ST6GAL2: variants seen among roughly 807,000 people sequenced by gnomAD.
ST6GAL2 encodes the protein ST6 beta-galactoside alpha-2,6-sialyltransferase 2, also known as beta-galactoside alpha-2,6-sialyltransferase 2.
Under a neutral mutation model 37.5 loss-of-function variants are expected in ST6GAL2, and 24 were observed. The observed-to-expected ratio is 0.64, with a 90% CI of 0.46 to 0.90. The LOEUF (loss-of-function observed/expected upper bound fraction) is 0.90. Among genes scored for constraint, ST6GAL2 ranks in the 40% least tolerant of loss-of-function variants. The pLI is 0.00. For missense variants in ST6GAL2, 715 were observed against 712.7 expected (o/e 1.00, Z -0.04); for synonymous variants, 306 against 295.1 (o/e 1.04, Z -0.38).
chr2:106,874,121 G>A lies in ST6GAL2; in HGVS notation c.-58+11972C>T, dbSNP rs374888822. ...GATAGCTGGCACACGGAGTTCTGGA[G>A]GCTGCCTGCAAGGAACTTACAGTTT... On this transcript the variant is annotated intron_variant, in intron 1 of 5. Coordinates refer to ENST00000409382, the MANE Select transcript of ST6GAL2 (RefSeq NM_001142351.2). Among the ~76,000 whole-genome samples the A allele has an allele frequency of 3.3e-5, 5 of 152,300 alleles. No homozygotes were observed. The South Asian group carries it at 1.0e-3, about 32-fold the overall frequency.
In ST6GAL2 at chr2:106,867,568, A is replaced by C. The variant is rs547611741; in HGVS notation, c.-58+18525T>G. ...ATTTCTAAGAACCTCAGAAATCCCA[A>C]ATGACGAGGTTTATGCAACTTCAAA... On this transcript the variant is annotated intron_variant, in intron 1 of 5. Transcript: ENST00000409382. Among the ~76,000 whole-genome samples the C allele has an allele frequency of 1.5e-4, 23 of 152,202 alleles. No homozygotes were observed. The East Asian group carries it at 4.3e-3, about 28-fold the overall frequency.
chr2:106,865,588 T>A (rs1677992921), intron 1 of ST6GAL2, among the ~76,000 whole-genome samples: 1 of 152,204 alleles, frequency 6.6e-6, no homozygotes, highest in African/African-American at 2.4e-5. Flanking sequence ...CTTCTCTCCA[T>A]CTCATCCTTA....
intron 5 of ST6GAL2, chr2:106,813,324 C>A: frequency 5.6e-6 from 4 of 712,956 alleles, no homozygotes; most frequent in South Asian, 7.1e-5. Context: ...TTTTAAACAT[C>A]ATATAACGCA....
chr2:106,855,413 CT>C (rs1199919501), intron 1 of ST6GAL2, among the ~76,000 whole-genome samples: 1 of 152,200 alleles, frequency 6.6e-6, no homozygotes, highest in Non-Finnish European at 1.5e-5. Context: ...GGTAAACTTC[CT>C]GTGTAACAGT....
intron 5 of ST6GAL2, among the ~76,000 whole-genome samples, chr2:106,827,666 C>A (rs892900791): frequency 1.3e-5 from 2 of 152,278 alleles, no homozygotes; most frequent in Non-Finnish European, 2.9e-5. Flanking sequence ...CGTTCTGGGA[C>A]AATGGAATTG....
At chr2:106,810,141 T>G (rs1171393697) in intron 5 of ST6GAL2, among the ~76,000 whole-genome samples, 4 of 152,222 alleles carry the variant, frequency 2.6e-5, no homozygotes, top group Admixed American at 6.5e-5. Context: ...TGAATCTGAT[T>G]GTTTTTCCAG....
intron 1 of ST6GAL2, among the ~76,000 whole-genome samples, chr2:106,881,202 C>T (rs1678737794): frequency 6.6e-6 from 1 of 152,096 alleles, no homozygotes; most frequent in Non-Finnish European, 1.5e-5. Context: ...GTTGCCCAGG[C>T]TAGTCTTAAA....
intron 2 of ST6GAL2, among the ~76,000 whole-genome samples, chr2:106,835,389 T>C (rs573153979): frequency 6.6e-6 from 1 of 152,138 alleles, no homozygotes; most frequent in Non-Finnish European, 1.5e-5. Flanking sequence ...GCTCCCCAAA[T>C]AGCAGAAACT....
At chr2:106,808,145 A>T (rs1488707957) in intron 5 of ST6GAL2, among the ~76,000 whole-genome samples, 1 of 152,244 alleles carries the variant, frequency 6.6e-6, no homozygotes, top group Non-Finnish European at 1.5e-5. Flanking sequence ...TGTGCAACAC[A>T]AAAATCCCAT....
At chr2:106,867,697 C>T (rs982935397) in intron 1 of ST6GAL2, among the ~76,000 whole-genome samples, 4 of 152,100 alleles carry the variant, frequency 2.6e-5, no homozygotes, top group Admixed American at 2.6e-4. Context: ...GTTAGGAACC[C>T]ACCCCCAGCC....
At chr2:106,884,954 T>G (rs1231726803) in intron 1 of ST6GAL2, among the ~76,000 whole-genome samples, 1 of 117,360 alleles carries the variant, frequency 8.5e-6, no homozygotes, top group Non-Finnish European at 1.7e-5. Context: ...CACACACATA[T>G]ATACATATGT....
chr2:106,849,438 A>G (rs74850463), intron 1 of ST6GAL2, among the ~76,000 whole-genome samples: 161 of 152,256 alleles, frequency 1.1e-3, no homozygotes, highest in Middle Eastern at 3.4e-3. Flanking sequence ...CCAAATTCCA[A>G]CCTGACTCTG....
chr2:106,853,561 C>T (rs1677459094), intron 1 of ST6GAL2, among the ~76,000 whole-genome samples: 1 of 152,180 alleles, frequency 6.6e-6, no homozygotes, highest in African/African-American at 2.4e-5. Flanking sequence ...TCAGTGATTT[C>T]AAGCCAGTGG....
At chr2:106,825,633 T>C (rs575554620) in intron 5 of ST6GAL2, among the ~76,000 whole-genome samples, 1 of 152,388 alleles carries the variant, frequency 6.6e-6, no homozygotes, top group Non-Finnish European at 1.5e-5. Context: ...AATTATTATT[T>C]GTATCTGCTA....
At chr2:106,838,009 G>A (rs546652293) in intron 2 of ST6GAL2, among the ~76,000 whole-genome samples, 16 of 152,282 alleles carry the variant, frequency 1.1e-4, no homozygotes, top group African/African-American at 3.8e-4. Flanking sequence ...AGCAGCGTGG[G>A]GTTGGGATGG....
chr2:106,843,138 C>A lies in ST6GAL2; in HGVS notation c.840G>T (p.Val280=). ...GCAGCTGGCTCAGGGGCACGGCGGG[C>A]ACCAGGCGCCGCCAGCCCAGCGCAG... The part of the protein sequence containing the change: ...PFSALGWRRL[V]PAVPLSQLHP... Residue 280 remains valine (V), a synonymous_variant, in exon 2 of 6, where the codon GTG becomes GTT. Transcript: ENST00000409382. 1 of 1,562,378 alleles carries A rather than the reference C, an allele frequency of 6.4e-7. No homozygotes were observed. The highest frequency in any genetic ancestry group is 8.6e-7 in the Non-Finnish European group (1 of 1,157,040).
chr2:106,814,776 C>A (rs1675739967), intron 5 of ST6GAL2, among the ~76,000 whole-genome samples: 1 of 152,132 alleles, frequency 6.6e-6, no homozygotes, highest in African/African-American at 2.4e-5. Context: ...ATTACGTGGG[C>A]AAAATAGAAG....
chr2:106,863,893 TGTG>T (rs1677912619), intron 1 of ST6GAL2, among the ~76,000 whole-genome samples: 2 of 152,188 alleles, frequency 1.3e-5, no homozygotes, highest in Admixed American at 1.3e-4. Context: ...TTTCTGGAAG[TGTG>T]GTGCCTGGTG....
chr2:106,881,010 G>T (rs1214156332), intron 1 of ST6GAL2, among the ~76,000 whole-genome samples: 1 of 152,034 alleles, frequency 6.6e-6, no homozygotes, highest in Non-Finnish European at 1.5e-5. Flanking sequence ...TTCTGAGATA[G>T]GGTCTCACTC....
Sources: gnomAD v4.1 joint callset for allele counts (sites outside exome capture counted in the v4.1 genomes callset) on GRCh38, gnomAD v4.1.1 for gene constraint, MANE v1.5 for transcripts, NCBI Gene and HGNC (gene_info 2026-07-23, HGNC 2026-07-21) for gene names.